Variants in CEP170 observed in about 807,000 individuals in gnomAD.
The protein encoded by CEP170 is centrosomal protein of 170 kDa.
In CEP170, 21 loss-of-function variants were observed where a neutral mutation model predicts 151.9. That is an observed-to-expected ratio of 0.14 (90% CI 0.10 to 0.20). The LOEUF is 0.20. Ranked by LOEUF, CEP170 falls within the 10% of genes least tolerant of loss-of-function variation. The probability of loss-of-function intolerance (pLI) is 1.00; values close to 1 mark genes in which losing one functional copy is unlikely to be tolerated. For synonymous variants in CEP170, 356 were observed against 648.8 expected (o/e 0.55, Z 6.86); for missense variants, 964 against 1,892.9 (o/e 0.51, Z 9.11).
In CEP170 at chr1:243,208,748, T is replaced by C. The variant is rs1424335185; in HGVS notation, c.274+3138A>G. ...TGCCTCCCACTTTCACTTTTTTCCA[T>C]AGAACTTACCATCCTCTAATACCCT... On this transcript the variant is annotated intron_variant, in intron 4 of 19. Transcript: ENST00000366542. Among the ~76,000 whole-genome samples, 5 of 152,006 alleles carry C rather than the reference T, an allele frequency of 3.3e-5. No individual in the cohort carries two copies. The South Asian group carries it at 1.0e-3, about 32-fold the overall frequency.
In CEP170 at chr1:243,237,775, G is replaced by C. The variant is rs577397187; in HGVS notation, c.-41-12454C>G. ...AAAAAATTAGCTGGGCCTTGTGGCG[G>C]GTGCCTGTAATCCTAGCTACTGGGG... On this transcript the variant is annotated intron_variant, in intron 1 of 19. Transcript: ENST00000366542. 1.3e-4 allele frequency among the ~76,000 whole-genome samples: 20 copies of C among 152,032 alleles called. No individual in the cohort carries two copies. The South Asian group carries it at 4.1e-3, about 32-fold the overall frequency.
intron 8 of CEP170, among the ~76,000 whole-genome samples, chr1:243,186,704 C>T (rs1254534023): frequency 6.6e-6 from 1 of 152,198 alleles, no homozygotes; most frequent in East Asian, 1.9e-4. Context: ...ATAATTGATG[C>T]TCTATCTCTG....
chr1:243,180,932 G>A (rs1004957820), intron 10 of CEP170, among the ~76,000 whole-genome samples: 1 of 152,178 alleles, frequency 6.6e-6, no homozygotes, highest in African/African-American at 2.4e-5. Flanking sequence ...TTGACACAAT[G>A]AACAAGAATC....
chr1:243,205,717 T>C (rs1161785416), intron 4 of CEP170, among the ~76,000 whole-genome samples: 1 of 152,160 alleles, frequency 6.6e-6, no homozygotes, highest in East Asian at 1.9e-4. Flanking sequence ...AAAATATGCA[T>C]AACACTCAGC....
intron 1 of CEP170, among the ~76,000 whole-genome samples, chr1:243,236,913 T>G (rs950235579): frequency 6.6e-6 from 1 of 152,218 alleles, no homozygotes; most frequent in Non-Finnish European, 1.5e-5. Context: ...TGCAATTAAT[T>G]TTAGCATATC....
At position 243,165,611 on chromosome 1, in the gene CEP170, T is replaced by G. The variant is rs1256047926; in HGVS notation, c.2349A>C (p.Gln783His). The G allele has an allele frequency of 6.2e-7, 1 of 1,613,940 alleles. No individual in the cohort carries two copies. Among genetic ancestry groups the G allele is most frequent in the East Asian group, 2.2e-5 (1 of 44,896 alleles). ...AATTTTTTTCTGGAGGTTGTGATTC[T>G]TGTTTAAAAGTTTCCTCCCTACATT... ...TDKCREETFK[Q>H]ESQPPEKNSG... is the part of the protein sequence containing the mutation. Residue 783 changes from glutamine (Q) to histidine (H), a missense_variant, in exon 13 of 20, where the codon CAA becomes CAC. Transcript: ENST00000366542.
At chr1:243,145,709 T>C (rs1223489918) in intron 14 of CEP170, among the ~76,000 whole-genome samples, 10 of 150,422 alleles carry the variant, frequency 6.6e-5, no homozygotes, top group Admixed American at 2.0e-4. Context: ...TGGTGGGCTA[T>C]TAATGAAGTA....
intron 4 of CEP170, among the ~76,000 whole-genome samples, chr1:243,204,360 T>C (rs1254280170): frequency 6.6e-6 from 1 of 152,190 alleles, no homozygotes; most frequent in Non-Finnish European, 1.5e-5. Flanking sequence ...ATATGATGTA[T>C]TGGAGTTTTC....
intron 7 of CEP170, among the ~76,000 whole-genome samples, chr1:243,194,013 A>T (rs2060478884): frequency 6.6e-6 from 1 of 152,066 alleles, no homozygotes; most frequent in African/African-American, 2.4e-5. Flanking sequence ...ACCCAACTCT[A>T]AAAAACCCAA....
rs1455636227 is a variant in CEP170 at position 243,202,977 on chromosome 1, T to G, written c.275-2142A>C. On this transcript the variant is annotated intron_variant, in intron 4 of 19. Transcript: ENST00000366542. ...TCTTTAAACCTAGACACTCTTCAGG[T>G]CATGGAGAGCTTGAGAGGAGCCATC... 2.6e-5 allele frequency among the ~76,000 whole-genome samples: 4 copies of G among 152,238 alleles called. No homozygotes were observed. In the East Asian group the frequency reaches 5.8e-4, roughly 22 times the overall value.
intron 12 of CEP170, among the ~76,000 whole-genome samples, chr1:243,168,793 A>G (rs2058624403): frequency 6.6e-6 from 1 of 151,794 alleles, no homozygotes; most frequent in Admixed American, 6.6e-5. Flanking sequence ...AAGGTACACA[A>G]CTTCATTTTG....
Position 243,126,581 on chromosome 1 carries a change from A to G in CEP170, c.4623T>C (p.Ala1541=). Residue 1541 remains alanine, a synonymous_variant, in exon 20 of 20, where the codon GCT becomes GCC. Coordinates refer to ENST00000366542, the MANE Select transcript of CEP170 (RefSeq NM_014812.3). ...AAACAGCAGCAGGATGAAGAGCCCT[A>G]GCTTCTGGTTGGCCAAGTGTTGGTG... The part of the protein sequence containing the change: ...GQTPTLGQPE[A]RALHPAAVSA... 1 of 1,575,326 alleles carries G rather than the reference A, an allele frequency of 6.3e-7. No individual in the cohort carries two copies. The highest frequency in any genetic ancestry group is 1.3e-5 in the African/African-American group (1 of 74,234).
At chr1:243,166,711 C>T (rs1404743797) in intron 12 of CEP170, 2 of 152,088 alleles carry the variant, frequency 1.3e-5, no homozygotes, top group Admixed American at 1.3e-4. Context: ...AAATTAGAGT[C>T]ATCTGATCAT....
chr1:243,227,523 A>G (rs4634890), intron 1 of CEP170, among the ~76,000 whole-genome samples: 2 of 152,030 alleles, frequency 1.3e-5, no homozygotes, highest in East Asian at 1.9e-4. Flanking sequence ...AATATTCAAA[A>G]GATGTGATTC....
intron 1 of CEP170, among the ~76,000 whole-genome samples, chr1:243,239,489 T>C (rs945059995): frequency 6.6e-6 from 1 of 152,188 alleles, no homozygotes; most frequent in Non-Finnish European, 1.5e-5. Context: ...ATGTAATAAT[T>C]TCACTCCCTA....
intron 13 of CEP170, chr1:243,163,283 G>C (rs1270780636): frequency 6.6e-6 from 1 of 152,202 alleles, no homozygotes; most frequent in East Asian, 1.9e-4. Context: ...TTAGATGTCT[G>C]CCTACTGAAA....
chr1:243,181,797 G>A (rs2059632964), intron 10 of CEP170, among the ~76,000 whole-genome samples: 1 of 152,080 alleles, frequency 6.6e-6, no homozygotes, highest in African/African-American at 2.4e-5. Context: ...TATTCCTTTG[G>A]TTTTCTCTTA....
intron 6 of CEP170, among the ~76,000 whole-genome samples, chr1:243,199,434 A>G (rs2060879723): frequency 6.6e-6 from 1 of 152,116 alleles, no homozygotes; most frequent in African/African-American, 2.4e-5. Context: ...AACGTGCTAC[A>G]TATCTCAATA....
chr1:243,247,239 G>A lies in CEP170; in HGVS notation c.-42+7801C>T, dbSNP rs554774651. Reference sequence around the variant, plus strand: ...CTGGCCTAGGGAAAAAAAAAGTAAGGAAGCCTTTTAACTTGCTTACTTTTC... The same window carrying A: ...CTGGCCTAGGGAAAAAAAAAGTAAGAAAGCCTTTTAACTTGCTTACTTTTC... On this transcript the variant is annotated intron_variant, in intron 1 of 19. Coordinates refer to ENST00000366542, the MANE Select transcript of CEP170 (RefSeq NM_014812.3). 1.8e-4 allele frequency among the ~76,000 whole-genome samples: 28 copies of A among 152,248 alleles called. No homozygotes were observed. In the South Asian group the frequency reaches 5.8e-3, roughly 32 times the overall value.
Sources: allele counts gnomAD v4.1 joint callset (sites outside exome capture counted in the v4.1 genomes callset), GRCh38; gene constraint gnomAD v4.1.1; transcripts MANE v1.5; gene names NCBI Gene and HGNC (gene_info 2026-07-23, HGNC 2026-07-21).